The following PRUNE2 variants were observed in gnomAD, a reference collection of about 807,000 sequenced individuals.
The protein encoded by PRUNE2 is prune homolog 2 with BCH domain.
A neutral mutation model predicts 252.0 loss-of-function variants in PRUNE2; 164 were observed. The ratio of observed to expected loss-of-function variants is 0.65; its 90% confidence interval spans 0.57 to 0.74. PRUNE2 has a LOEUF of 0.74. PRUNE2 is among the 30% of genes least tolerant of loss of function. PRUNE2 has a pLI of 0.00. For synonymous variants in PRUNE2, 1,292 were observed against 1,350.2 expected, an observed-to-expected ratio of 0.96 and a Z score of 0.94; for missense variants, 3,495 against 3,711.0, an observed-to-expected ratio of 0.94 and a Z score of 1.51.
chr9:76,730,899 C>T (rs941372011), intron 6 of PRUNE2, among the ~76,000 whole-genome samples: 3 of 152,044 alleles, frequency 2.0e-5, no homozygotes, highest in Admixed American at 6.5e-5. Flanking sequence ...TAGACTCCGT[C>T]TCAAAAAAAT....
At position 76,706,885 on chromosome 9, in the gene PRUNE2, C is replaced by A. The variant is rs1333791775; in HGVS notation, c.5389G>T (p.Asp1797Tyr). 1.3e-6 allele frequency: 2 copies of A among 1,597,138 alleles called. No homozygotes were observed. The highest frequency in any genetic ancestry group is 1.7e-6 in the Non-Finnish European group (2 of 1,171,870). Residue 1797 changes from aspartate (D) to tyrosine (Y), a missense_variant, in exon 8 of 19, where the codon GAT becomes TAT. Asp to Tyr is a radical substitution (Grantham distance 160). Coordinates refer to ENST00000376718, the MANE Select transcript of PRUNE2 (RefSeq NM_015225.3). Reference protein sequence around the residue: ...RSSPETGTTGDVAWQISPKAS... With the variant: ...RSSPETGTTGYVAWQISPKAS... ...TTGGGAGATATTTGCCATGCAACAT[C>A]TCCTGTTGTCCCTGTTTCTGGAGAA...
At chr9:76,618,602 C>T (rs998656964) in intron 18 of PRUNE2, among the ~76,000 whole-genome samples, 9 of 152,298 alleles carry the variant, frequency 5.9e-5, no homozygotes, top group Non-Finnish European at 5.9e-5. Context: ...GGAAGTGGTA[C>T]ACCCATCTAG....
chr9:76,883,604 C>T (rs1173443303), intron 1 of PRUNE2, among the ~76,000 whole-genome samples: 1 of 152,178 alleles, frequency 6.6e-6, no homozygotes, highest in Non-Finnish European at 1.5e-5. Flanking sequence ...ACCACATTTC[C>T]ATTATACTGC....
intron 6 of PRUNE2, chr9:76,738,641 T>C (rs937884974): frequency 2.9e-4 from 44 of 152,326 alleles, no homozygotes; most frequent in African/African-American, 9.4e-4. Flanking sequence ...TCATTAACTA[T>C]TGATTTAACC....
chr9:76,880,607 TAATTAAATCCCAAACC>T (rs1307483824), intron 1 of PRUNE2, among the ~76,000 whole-genome samples: 1 of 152,186 alleles, frequency 6.6e-6, no homozygotes, highest in Non-Finnish European at 1.5e-5. Context: ...TAAATTAATT[TAATTAAATCCCAAACC>T]TTGAGTACAC....
chr9:76,867,496 G>GA (rs1442277363), intron 1 of PRUNE2, among the ~76,000 whole-genome samples: 4 of 152,162 alleles, frequency 2.6e-5, no homozygotes, highest in African/African-American at 4.8e-5. Flanking sequence ...TTCAGTATCA[G>GA]AAAAAATGAC....
At position 76,788,313 on chromosome 9, in the gene PRUNE2, G is replaced by A. The variant is rs546235214; in HGVS notation, c.756+35319C>T. On this transcript the variant is annotated intron_variant, in intron 6 of 18. Coordinates refer to ENST00000376718, the MANE Select transcript of PRUNE2 (RefSeq NM_015225.3). ...CTAGTCGAAAGAAACATCTCTTACC[G>A]TGGCTAGAGTTACCACAAGTAAATG... The A allele has an allele frequency of 1.2e-4, 79 of 634,690 alleles. No homozygotes were observed. The Admixed American group carries it at 1.5e-3, about 12-fold the overall frequency. The allele number at this position is 634,690 out of a possible 1,614,324, so 39.3% of individuals were successfully genotyped here. A position where few individuals can be genotyped will look rare whatever the true frequency, so the allele number is the denominator to read the frequency against.
chr9:76,678,558 G>A (rs919858977), intron 9 of PRUNE2, among the ~76,000 whole-genome samples: 6 of 152,174 alleles, frequency 3.9e-5, no homozygotes, highest in African/African-American at 1.2e-4. Context: ...GGCCGGGCAC[G>A]GCGGCACACG....
chr9:76,875,359 T>TTTTG (rs140711645), intron 1 of PRUNE2, among the ~76,000 whole-genome samples: 22 of 152,148 alleles, frequency 1.4e-4, no homozygotes, highest in Non-Finnish European at 1.5e-4. Flanking sequence ...GCTCTGTGTT[T>TTTTG]TTTGTTTGTT....
chr9:76,623,884 T>C (rs1411149560), intron 17 of PRUNE2, among the ~76,000 whole-genome samples: 3 of 152,388 alleles, frequency 2.0e-5, no homozygotes, highest in South Asian at 4.1e-4. Flanking sequence ...ATTTTATATT[T>C]GCATGAGAGT....
intron 6 of PRUNE2, among the ~76,000 whole-genome samples, chr9:76,722,635 T>G (rs1408999147): frequency 6.6e-6 from 1 of 152,220 alleles, no homozygotes; most frequent in African/African-American, 2.4e-5. Context: ...CCTGACATAA[T>G]TAAGTATTGC....
chr9:76,826,352 G>A (rs2058344813), intron 5 of PRUNE2, among the ~76,000 whole-genome samples: 1 of 152,170 alleles, frequency 6.6e-6, no homozygotes, highest in African/African-American at 2.4e-5. Context: ...GTGCATGCCT[G>A]TAATCCCAGC....
chr9:76,712,840 G>C (rs1050945920), intron 7 of PRUNE2, among the ~76,000 whole-genome samples: 1 of 152,194 alleles, frequency 6.6e-6, no homozygotes, highest in African/African-American at 2.4e-5. Flanking sequence ...GAGAGCTACA[G>C]TGGAGCTCTT....
chr9:76,841,147 T>C (rs2059369249), intron 4 of PRUNE2, among the ~76,000 whole-genome samples: 1 of 152,046 alleles, frequency 6.6e-6, no homozygotes, highest in African/African-American at 2.4e-5. Flanking sequence ...TTGGGACTGG[T>C]CAGCCCAGCC....
chr9:76,861,786 ATTTT>A (rs141659920), intron 1 of PRUNE2, among the ~76,000 whole-genome samples: 1 of 137,144 alleles, frequency 7.3e-6, no homozygotes, highest in South Asian at 2.3e-4. Context: ...TATTTACAGC[ATTTT>A]TTTTTTTTTT....
chr9:76,624,887 G>T, intron 16 of PRUNE2: 1 of 490,380 alleles, frequency 2.0e-6, no homozygotes, highest in East Asian at 6.7e-5. Context: ...TTACACACAG[G>T]ACAAAGACTG....
chr9:76,626,020 A>AT (rs1295746453), intron 16 of PRUNE2, among the ~76,000 whole-genome samples: 1 of 152,210 alleles, frequency 6.6e-6, no homozygotes, highest in African/African-American at 2.4e-5. Flanking sequence ...CATGAGTTCA[A>AT]TGTTCATAAA....
chr9:76,833,878 G>GT (rs1253888996), intron 4 of PRUNE2, among the ~76,000 whole-genome samples: 8 of 131,268 alleles, frequency 6.1e-5, no homozygotes, highest in African/African-American at 1.2e-4. Flanking sequence ...AAGATGCCGG[G>GT]TTTTTTTGTT....
chr9:76,680,048 C>A (rs939133782), intron 9 of PRUNE2, among the ~76,000 whole-genome samples: 1 of 152,034 alleles, frequency 6.6e-6, no homozygotes, highest in African/African-American at 2.4e-5. Context: ...TCAAAGGATG[C>A]AATCAAGAGT....
Sources: gnomAD v4.1 joint callset for allele counts (sites outside exome capture counted in the v4.1 genomes callset) on GRCh38, gnomAD v4.1.1 for gene constraint, MANE v1.5 for transcripts, NCBI Gene and HGNC (gene_info 2026-07-23, HGNC 2026-07-21) for gene names.